Variants in GOLPH3L observed in about 807,000 individuals in gnomAD.
GOLPH3L encodes Golgi phosphoprotein 3-like.
Under a neutral mutation model 30.3 loss-of-function variants are expected in GOLPH3L, and 22 were observed. The ratio of observed to expected loss-of-function variants is 0.73; its 90% CI spans 0.52 to 1.04. GOLPH3L has a LOEUF of 1.04. Among genes scored for constraint, GOLPH3L ranks in the 50% least tolerant of loss-of-function variants. The pLI is 0.00. For missense variants in GOLPH3L, 303 were observed against 345.8 expected (o/e 0.88, Z 0.98); for synonymous variants, 120 against 128.2 (o/e 0.94, Z 0.43).
intron 1 of GOLPH3L, among the ~76,000 whole-genome samples, chr1:150,696,616 GT>G (rs1557792486): frequency 6.6e-6 from 1 of 152,038 alleles, no homozygotes; most frequent in South Asian, 2.1e-4. Context: ...AGCTACAAAA[GT>G]TTTTTTGTAC....
At chr1:150,665,353 G>T (rs1380317223) in intron 2 of GOLPH3L, among the ~76,000 whole-genome samples, 3 of 151,812 alleles carry the variant, frequency 2.0e-5, no homozygotes, top group Admixed American at 2.0e-4. Flanking sequence ...GACAGGCGGG[G>T]TCTTGCTCCA....
At chr1:150,652,145 G>A (rs757065248) in intron 4 of GOLPH3L, among the ~76,000 whole-genome samples, 4 of 152,016 alleles carry the variant, frequency 2.6e-5, no homozygotes, top group Non-Finnish European at 4.4e-5. Flanking sequence ...ATGCAGGCCA[G>A]AAGAATGAGT....
At chr1:150,691,083 CAGG>C (rs1349624540) in intron 2 of GOLPH3L, among the ~76,000 whole-genome samples, 1 of 150,964 alleles carries the variant, frequency 6.6e-6, no homozygotes, top group African/African-American at 2.4e-5. Context: ...CACTTGAGAT[CAGG>C]AGTTCAAGAC....
At position 150,647,126 on chromosome 1, in the gene GOLPH3L, T is replaced by C. The variant is rs1877469; in HGVS notation, c.*1195A>G. ...GCCAAAAATAGGAAATAAAAAGATC[T>C]GGAGTTCAGATATACTGATATATTC... On this transcript the variant is annotated 3_prime_UTR_variant, in exon 5 of 5. Coordinates refer to ENST00000271732, the MANE Select transcript of GOLPH3L (RefSeq NM_018178.6). 0.93 allele frequency: 140,954 copies of C among 152,236 alleles called. 66,239 individuals are homozygous for C. Among genetic ancestry groups the C allele is most frequent in the East Asian group, 1 (5,190 of 5,190 alleles). The allele number at this position is 152,236 out of a possible 1,614,324, so 9.4% of individuals were successfully genotyped here. A position where few individuals can be genotyped will look rare whatever the true frequency, so the allele number is the denominator to read the frequency against.
intron 2 of GOLPH3L, among the ~76,000 whole-genome samples, chr1:150,683,103 A>T (rs1278921384): frequency 1.3e-5 from 2 of 152,148 alleles, no homozygotes; most frequent in Non-Finnish European, 2.9e-5. Context: ...AGTGCCTTGC[A>T]TCAAGGAGGT....
intron 4 of GOLPH3L, among the ~76,000 whole-genome samples, chr1:150,653,719 G>C (rs911276985): frequency 6.6e-6 from 1 of 151,718 alleles, no homozygotes; most frequent in Non-Finnish European, 1.5e-5. Context: ...GTGTCCCAAA[G>C]TACTGGGATT....
intron 2 of GOLPH3L, among the ~76,000 whole-genome samples, chr1:150,678,711 GCT>G (rs1475931250): frequency 6.6e-6 from 1 of 152,188 alleles, no homozygotes; most frequent in Non-Finnish European, 1.5e-5. Flanking sequence ...GGGTGCGGTG[GCT>G]CATGCCACCG....
intron 2 of GOLPH3L, among the ~76,000 whole-genome samples, chr1:150,686,364 G>A (rs184556978): frequency 6.6e-6 from 1 of 152,008 alleles, no homozygotes; most frequent in East Asian, 1.9e-4. Context: ...ATAGGTTCAC[G>A]CAGGGCTGTT....
Position 150,655,932 on chromosome 1 carries a change from C to A in GOLPH3L, c.430+5882G>T, listed in dbSNP as rs180728609. On this transcript the variant is annotated intron_variant, in intron 4 of 4. Transcript: ENST00000271732. ...GACTGTTTCTTTATTATCCCCTTAGCTGAGCAAGACTGTGAATGGTTTGCA... is the reference window on the plus strand; with the variant it reads ...GACTGTTTCTTTATTATCCCCTTAGATGAGCAAGACTGTGAATGGTTTGCA... 2.7e-4 allele frequency among the ~76,000 whole-genome samples: 41 copies of A among 152,324 alleles called. No individual in the cohort carries two copies. In the East Asian group the frequency reaches 6.4e-3, roughly 24 times the overall value.
At chr1:150,690,984 C>T (rs2101821021) in intron 2 of GOLPH3L, among the ~76,000 whole-genome samples, 1 of 152,216 alleles carries the variant, frequency 6.6e-6, no homozygotes, top group South Asian at 2.1e-4. Context: ...AAGTAAAAAG[C>T]TTAATTATTC....
chr1:150,675,884 T>C (rs1265620747), intron 2 of GOLPH3L, among the ~76,000 whole-genome samples: 1 of 149,862 alleles, frequency 6.7e-6, no homozygotes, highest in Admixed American at 6.6e-5. Flanking sequence ...GTCAGTAGGA[T>C]ATTGTCTAAA....
rs750315965 is a variant in GOLPH3L, at chr1:150,648,777, G to C, written c.431-29C>G. On this transcript the variant is annotated intron_variant, in intron 4 of 4. Transcript: ENST00000271732. ...TGAGAAAAAAGAAATAGGACATAAT[G>C]AACTGAAAGAGAAAAGCAAAATGAA... 2.1e-6 allele frequency: 3 copies of C among 1,425,668 alleles called. No individual in the cohort carries two copies. The Admixed American group carries it at 5.6e-5, about 26-fold the overall frequency. The allele number at this position is 1,425,668 out of a possible 1,614,324, so 88.3% of individuals were successfully genotyped here.
intron 2 of GOLPH3L, among the ~76,000 whole-genome samples, chr1:150,683,421 A>G (rs1571053012): frequency 6.6e-6 from 1 of 151,518 alleles, no homozygotes; most frequent in Non-Finnish European, 1.5e-5. Context: ...CTGTAGTCGC[A>G]GCTACCCGGG....
chr1:150,679,103 C>T (rs764923629), intron 2 of GOLPH3L, among the ~76,000 whole-genome samples: 10 of 152,038 alleles, frequency 6.6e-5, no homozygotes, highest in South Asian at 2.1e-4. Flanking sequence ...TGAACCTTCA[C>T]AATTTTAAGA....
In GOLPH3L at chr1:150,648,572, G is replaced by A. The variant is rs1470452137; in HGVS notation, c.607C>T (p.Leu203Phe). 6.2e-7 allele frequency: 1 copy of A among 1,614,024 alleles called. No individual in the cohort carries two copies. The highest frequency in any genetic ancestry group is 2.2e-5 in the East Asian group (1 of 44,880). Reference protein sequence around the residue: ...TTEKQRLVKKLQDSVLERWVN... With the variant: ...TTEKQRLVKKFQDSVLERWVN... ...CACCGCTCTAGTACACTATCTTGAA[G>A]TTTTTTCACTAGTCGCTGTTTCTCT... Residue 203 changes from leucine (L) to phenylalanine (F), a missense_variant, in exon 5 of 5, where the codon CTT becomes TTT. Transcript: ENST00000271732.
rs1489258747 is a variant in GOLPH3L, at chr1:150,647,160, A to G, written c.*1161T>C. 5 of 152,226 alleles carry G rather than the reference A, an allele frequency of 3.3e-5. No individual in the cohort carries two copies. The highest frequency in any genetic ancestry group is 1.2e-4 in the African/African-American group (5 of 41,466). 9.4% of individuals were successfully genotyped at this position (152,226 alleles called of 1,614,324 possible). On this transcript the variant is annotated 3_prime_UTR_variant, in exon 5 of 5. Coordinates refer to ENST00000271732, the MANE Select transcript of GOLPH3L (RefSeq NM_018178.6). ...GATATACTGATATATTCAGCAACTG[A>G]AACTTACAATTCCTTCAATTCAGTC...
chr1:150,665,259 A>G (rs1650470676), intron 2 of GOLPH3L, among the ~76,000 whole-genome samples: 1 of 152,096 alleles, frequency 6.6e-6, no homozygotes, highest in Non-Finnish European at 1.5e-5. Context: ...AAATAGAGAA[A>G]TTTTTAAGTG....
intron 2 of GOLPH3L, among the ~76,000 whole-genome samples, chr1:150,689,965 T>C (rs1651172669): frequency 6.6e-6 from 1 of 151,558 alleles, no homozygotes; most frequent in Non-Finnish European, 1.5e-5. Flanking sequence ...AAAACCAGTC[T>C]GTGGTAGTTA....
At position 150,648,286 on chromosome 1, in the gene GOLPH3L, C is replaced by G. The variant is rs191202555; in HGVS notation, c.*35G>C. The stretch of plus-strand genomic sequence containing the variant: ...TGATGGGGTCTCTGACAGTCACCAG[C>G]CAGCAGGGGAAAAGGAGAAATCCAC... On this transcript the variant is annotated 3_prime_UTR_variant, in exon 5 of 5. Coordinates refer to ENST00000271732, the MANE Select transcript of GOLPH3L (RefSeq NM_018178.6). The G allele has an allele frequency of 2.7e-6, 4 of 1,456,880 alleles. No homozygotes were observed. The highest frequency in any genetic ancestry group is 4.2e-4 in the Middle Eastern group (2 of 4,770). The allele number at this position is 1,456,880 out of a possible 1,614,324, so 90.2% of individuals were successfully genotyped here. A position where few individuals can be genotyped will look rare whatever the true frequency, so the allele number is the denominator to read the frequency against.
Sources: allele counts gnomAD v4.1 joint callset (sites outside exome capture counted in the v4.1 genomes callset), GRCh38; gene constraint gnomAD v4.1.1; transcripts MANE v1.5; gene names NCBI Gene and HGNC (gene_info 2026-07-23, HGNC 2026-07-21).